The following FBXL20 variants were observed in gnomAD, a reference collection of about 807,000 sequenced individuals.
FBXL20 encodes F-box/LRR-repeat protein 20.
In FBXL20, 11 loss-of-function variants were observed where a neutral mutation model predicts 64.0. The ratio of observed to expected loss-of-function variants is 0.17; its 90% CI spans 0.11 to 0.28. The LOEUF is 0.28. Among genes scored for constraint, FBXL20 ranks in the 10% least tolerant of loss-of-function variants. The pLI is 1.00. For synonymous variants in FBXL20, 184 were observed against 189.0 expected, an observed-to-expected ratio of 0.97 and a Z score of 0.22; for missense variants, 303 against 526.2, an observed-to-expected ratio of 0.58 and a Z score of 4.15.
rs543174001 is a variant in FBXL20 at position 39,377,438 on chromosome 17, G to A, written c.42+23923C>T. On this transcript the variant is annotated intron_variant, in intron 1 of 14. Transcript: ENST00000264658. ...TGATTTGAGTAATAATAAAACTCCC[G>A]TTTCCCGCACAGCTGGCTCTGCGTG... Among the ~76,000 whole-genome samples the A allele has an allele frequency of 1.3e-4, 19 of 151,612 alleles. No homozygotes were observed. In the East Asian group the frequency reaches 2.3e-3, roughly 19 times the overall value.
chr17:39,391,439 T>C (rs1049445354), intron 1 of FBXL20, among the ~76,000 whole-genome samples: 5 of 151,994 alleles, frequency 3.3e-5, no homozygotes, highest in South Asian at 2.1e-4. Flanking sequence ...ATTTCCATGC[T>C]AGAAGGAAAC....
At chr17:39,324,846 T>C (rs1475730163) in intron 2 of FBXL20, among the ~76,000 whole-genome samples, 1 of 152,106 alleles carries the variant, frequency 6.6e-6, no homozygotes, top group Non-Finnish European at 1.5e-5. Context: ...CAAATCCAAC[T>C]GATAAAAAAT....
At chr17:39,279,523 T>C (rs1007787078) in intron 9 of FBXL20, among the ~76,000 whole-genome samples, 4 of 151,186 alleles carry the variant, frequency 2.6e-5, no homozygotes, top group Non-Finnish European at 4.4e-5. Flanking sequence ...AAGGAACTTA[T>C]CACTTTTTTC....
intron 6 of FBXL20, among the ~76,000 whole-genome samples, chr17:39,290,761 C>T (rs1193232157): frequency 6.6e-6 from 1 of 152,066 alleles, no homozygotes; most frequent in Non-Finnish European, 1.5e-5. Context: ...TGGGGTCCCA[C>T]TACGTTGCCC....
At chr17:39,397,088 T>G (rs1457604988) in intron 1 of FBXL20, among the ~76,000 whole-genome samples, 1 of 152,168 alleles carries the variant, frequency 6.6e-6, no homozygotes, top group Non-Finnish European at 1.5e-5. Flanking sequence ...ATTTTTGTAG[T>G]AGAGACAGGG....
Position 39,261,223 on chromosome 17 carries a change from C to T in FBXL20, c.*237G>A, listed in dbSNP as rs1053570473. 2 of 424,916 alleles carry T rather than the reference C, an allele frequency of 4.7e-6. No homozygotes were observed. The highest frequency in any genetic ancestry group is 8.6e-6 in the Non-Finnish European group (2 of 232,464). 26.3% of individuals were successfully genotyped at this position (424,916 alleles called of 1,614,324 possible). ...CTCAACAGGAATGGTTAAATTTTAC[C>T]AATCTACTTGATAAAAAAGCCATCA... On this transcript the variant is annotated 3_prime_UTR_variant, in exon 15 of 15. Coordinates refer to ENST00000264658, the MANE Select transcript of FBXL20 (RefSeq NM_032875.3).
chr17:39,340,653 TTAAG>T (rs1457159161), intron 2 of FBXL20, among the ~76,000 whole-genome samples: 1 of 152,112 alleles, frequency 6.6e-6, no homozygotes, highest in East Asian at 1.9e-4. Context: ...AACTTTTTGT[TTAAG>T]TATGACACTA....
intron 2 of FBXL20, among the ~76,000 whole-genome samples, chr17:39,317,465 C>T (rs879293335): frequency 6.6e-6 from 1 of 152,004 alleles, no homozygotes; most frequent in Non-Finnish European, 1.5e-5. Flanking sequence ...CTTCTTACCA[C>T]GTGATCCGAC....
rs554420287 is a variant in FBXL20 at position 39,267,788 on chromosome 17, G to T, written c.933+1039C>A. On this transcript the variant is annotated intron_variant, in intron 12 of 14. Transcript: ENST00000264658. ...GTAGAGAAAGGGGGTGGGCGAGCAGGCAGGCATGTCCGTTCAGAAGGAATA... is the reference window on the plus strand; with the variant it reads ...GTAGAGAAAGGGGGTGGGCGAGCAGTCAGGCATGTCCGTTCAGAAGGAATA... 2.0e-5 allele frequency among the ~76,000 whole-genome samples: 3 copies of T among 152,280 alleles called. No individual in the cohort carries two copies. The East Asian group carries it at 5.8e-4, about 29-fold the overall frequency.
At chr17:39,280,235 CAAAA>C (rs35241441) in intron 9 of FBXL20, among the ~76,000 whole-genome samples, 1 of 105,416 alleles carries the variant, frequency 9.5e-6, no homozygotes, top group African/African-American at 4.4e-5. Context: ...GACTCCGTCT[CAAAA>C]AAAAAAAAAA....
At chr17:39,314,831 T>G (rs2047270339) in intron 2 of FBXL20, among the ~76,000 whole-genome samples, 1 of 148,710 alleles carries the variant, frequency 6.7e-6, no homozygotes, top group Non-Finnish European at 1.5e-5. Context: ...AGTCTCACTC[T>G]GTGTTGCCCA....
chr17:39,370,744 G>T (rs1180954195), intron 1 of FBXL20, among the ~76,000 whole-genome samples: 1 of 148,862 alleles, frequency 6.7e-6, no homozygotes, highest in Non-Finnish European at 1.5e-5. Flanking sequence ...GCAGTGAGCC[G>T]AGATCGCGCC....
At chr17:39,281,545 C>G in intron 8 of FBXL20, 82 bp from the exon 9 acceptor site, 2 of 1,195,570 alleles carry the variant, frequency 1.7e-6, no homozygotes, top group Non-Finnish European at 2.4e-6. Flanking sequence ...CACATTCATT[C>G]ATACATTCTA....
chr17:39,356,297 G>A (rs1157329478), intron 1 of FBXL20, among the ~76,000 whole-genome samples: 1 of 151,164 alleles, frequency 6.6e-6, no homozygotes, highest in East Asian at 1.9e-4. Context: ...ATTATCATAT[G>A]TGGTATGAGG....
chr17:39,384,594 G>T (rs2048059102), intron 1 of FBXL20, among the ~76,000 whole-genome samples: 1 of 151,906 alleles, frequency 6.6e-6, no homozygotes, highest in South Asian at 2.1e-4. Flanking sequence ...TATTTCTAAA[G>T]GTGGAGAAGA....
chr17:39,270,528 A>G (rs1168518313), intron 11 of FBXL20, among the ~76,000 whole-genome samples: 1 of 152,156 alleles, frequency 6.6e-6, no homozygotes, highest in Non-Finnish European at 1.5e-5. Flanking sequence ...TGGGTGACAG[A>G]GCGAGACCCC....
At chr17:39,329,398 CAAAT>C (rs1461005025) in intron 2 of FBXL20, among the ~76,000 whole-genome samples, 1 of 151,916 alleles carries the variant, frequency 6.6e-6, no homozygotes, top group African/African-American at 2.4e-5. Context: ...AGAGAGGTGA[CAAAT>C]AAATGTAATC....
At chr17:39,386,476 T>A (rs568171364) in intron 1 of FBXL20, among the ~76,000 whole-genome samples, 2 of 151,220 alleles carry the variant, frequency 1.3e-5, no homozygotes, top group East Asian at 3.9e-4. Context: ...ATACAAAAAT[T>A]AGCTGGAAGT....
chr17:39,345,622 C>T (rs1384631575), intron 1 of FBXL20, among the ~76,000 whole-genome samples: 1 of 152,018 alleles, frequency 6.6e-6, no homozygotes, highest in African/African-American at 2.4e-5. Context: ...ATCACTGCAA[C>T]CTCCACCTCC....
Sources: gnomAD v4.1 joint callset for allele counts (sites outside exome capture counted in the v4.1 genomes callset) on GRCh38, gnomAD v4.1.1 for gene constraint, MANE v1.5 for transcripts, NCBI Gene and HGNC (gene_info 2026-07-23, HGNC 2026-07-21) for gene names.